RAET1E: variants seen among roughly 807,000 people sequenced by gnomAD.
RAET1E encodes retinoic acid early transcript 1E, also known as NKG2D ligand 4.
RAET1E carries 27 observed loss-of-function variants against 21.1 expected under a neutral mutation model. The ratio of observed to expected loss-of-function variants is 1.28; its 90% CI spans 0.94 to 1.76. RAET1E has a LOEUF of 1.76. Among genes scored for constraint, RAET1E ranks in the 40% most tolerant of loss-of-function variants. RAET1E has a pLI of 0.00. For missense variants in RAET1E, 310 were observed against 311.3 expected (o/e 1.00, Z 0.03); for synonymous variants, 113 against 115.0 (o/e 0.98, Z 0.11).
At chr6:149,894,173 A>G (rs1778022959) in intron 2 of RAET1E, among the ~76,000 whole-genome samples, 1 of 152,140 alleles carries the variant, frequency 6.6e-6, no homozygotes, top group Non-Finnish European at 1.5e-5. Flanking sequence ...TGTCTCTGCC[A>G]GGTTTTGGTA....
chr6:149,889,118 G>A (rs1187054455), intron 5 of RAET1E: 8 of 1,426,792 alleles, frequency 5.6e-6, no homozygotes, highest in Middle Eastern at 2.6e-4. Flanking sequence ...CATTGTGACT[G>A]GATCATTGGT....
chr6:149,884,397 C>T lies in RAET1E; in HGVS notation c.*4101G>A, dbSNP rs1219311955. On this transcript the variant is annotated 3_prime_UTR_variant, in exon 6 of 6. Transcript: ENST00000357183. ...CCGCTCATTGCAGGCTCCGCCTCCA[C>T]TTGACTCAGGGAACACACAGCAGTG... 7.2e-6 allele frequency: 9 copies of T among 1,241,774 alleles called. No homozygotes were observed. The highest frequency in any genetic ancestry group is 9.1e-6 in the Non-Finnish European group (8 of 880,080). 76.9% of individuals were successfully genotyped at this position (1,241,774 alleles called of 1,614,324 possible). A position where few individuals can be genotyped will look rare whatever the true frequency, so the allele number is the denominator to read the frequency against.
Position 149,888,501 on chromosome 6 carries a change from A to G in RAET1E, c.789T>C (p.Ser263=). 6.2e-7 allele frequency: 1 copy of G among 1,613,090 alleles called. No individual in the cohort carries two copies. Among genetic ancestry groups the G allele is most frequent in the Non-Finnish European group, 8.5e-7 (1 of 1,179,768 alleles). The change falls in exon 6 of 6, where the codon TCT becomes TCC. Residue 263 remains serine (S), a synonymous_variant. Coordinates refer to ENST00000357183, the MANE Select transcript of RAET1E (RefSeq NM_001394057.1). ...CCTCTCTTGAGTCCTTACCAGACTAAGACGTCCTCAAGGGCCAGAGACCAG... is the reference window on the plus strand; with the variant it reads ...CCTCTCTTGAGTCCTTACCAGACTAGGACGTCCTCAAGGGCCAGAGACCAG... ...WQAGLWPLRT[S]
Position 149,888,185 on chromosome 6 carries a change from A to G in RAET1E, c.*313T>C. 2 of 598,368 alleles carry G rather than the reference A, an allele frequency of 3.3e-6. No homozygotes were observed. The highest frequency in any genetic ancestry group is 6.4e-6 in the Non-Finnish European group (2 of 314,434). The allele number at this position is 598,368 out of a possible 1,614,324, so 37.1% of individuals were successfully genotyped here. On this transcript the variant is annotated 3_prime_UTR_variant, in exon 6 of 6. Transcript: ENST00000357183. ...TTCTCAGGGTGAACGGGAAAAGGGG[A>G]TGGGACCTGCTGAGCTAAATCACGG...
At chr6:149,894,801 C>T (rs892928405) in intron 2 of RAET1E, among the ~76,000 whole-genome samples, 2 of 152,038 alleles carry the variant, frequency 1.3e-5, no homozygotes, top group Non-Finnish European at 2.9e-5. Context: ...ATTTTCTGTC[C>T]AGTTTTGTTC....
rs773327505 is a variant in RAET1E at position 149,888,584 on chromosome 6, A to G, written c.706T>C (p.Leu236=). The G allele has an allele frequency of 9.3e-6, 15 of 1,613,386 alleles. No individual in the cohort carries two copies. The highest frequency in any genetic ancestry group is 1.2e-5 in the Non-Finnish European group (14 of 1,179,916). ...ATGAGAACAATTCCCATTAAAACTA[A>G]CAGGATGAATGCCCCCAGGATGATC... The part of the protein sequence containing the change: ...RWIILGAFIL[L]VLMGIVLICV... The change falls in exon 6 of 6, where the codon TTA becomes CTA. Residue 236 remains leucine (L), a synonymous_variant. Coordinates refer to ENST00000357183, the MANE Select transcript of RAET1E (RefSeq NM_001394057.1).
At position 149,889,575 on chromosome 6, in the gene RAET1E, C is replaced by G; in HGVS notation, c.395G>C (p.Arg132Pro). ...GAACTGCCAGGATGCACCAGTGCAC[C>G]GTTCTGCTTCACGTTGACAAAACAT... is the stretch of plus-strand genomic sequence containing the variant. ...VEMFCQREAERCTGASWQFAT... is the reference protein window; with the variant it reads ...VEMFCQREAEPCTGASWQFAT... Residue 132 changes from arginine to proline, a missense_variant, in exon 5 of 6, where the codon CGG (arginine) becomes CCG (proline). Coordinates refer to ENST00000357183, the MANE Select transcript of RAET1E (RefSeq NM_001394057.1). The G allele has an allele frequency of 6.2e-7, 1 of 1,614,156 alleles. No individual in the cohort carries two copies. The highest frequency in any genetic ancestry group is 8.5e-7 in the Non-Finnish European group (1 of 1,180,040).
intron 5 of RAET1E, 124 bp downstream of exon 5, chr6:149,889,224 C>T: frequency 6.8e-7 from 1 of 1,473,188 alleles, no homozygotes; most frequent in African/African-American, 1.4e-5. Flanking sequence ...CACTGACTCT[C>T]CAGACAGGAA....
chr6:149,890,262 C>A, intron 3 of RAET1E, 117 bp from the exon 4 acceptor site: 1 of 1,062,096 alleles, frequency 9.4e-7, no homozygotes, highest in African/African-American at 1.6e-5. Context: ...GGGGCAGCTC[C>A]ATCCCAGACT....
rs1177420817 is a variant in RAET1E, at chr6:149,887,569, G to T, written c.*929C>A. Among the ~76,000 whole-genome samples, 1 of 152,148 alleles carries T rather than the reference G, an allele frequency of 6.6e-6. No individual in the cohort carries two copies. The highest frequency in any genetic ancestry group is 1.9e-4 in the East Asian group (1 of 5,200). On this transcript the variant is annotated 3_prime_UTR_variant, in exon 6 of 6. Coordinates refer to ENST00000357183, the MANE Select transcript of RAET1E (RefSeq NM_001394057.1). ...AAAACAGACACATATCTGAGTCATG[G>T]TATTCGTTTAAGCAATGAAAAGGGT...
At chr6:149,891,484 T>TTGTGTGTG (rs58899076) in intron 2 of RAET1E, among the ~76,000 whole-genome samples, 4,672 of 149,894 alleles carry the variant, frequency 0.031, 103 homozygotes, top group Admixed American at 0.068. Context: ...CAGATGGGTT[T>TTGTGTGTG]TGTGTGTGTG....
chr6:149,896,687 T>G (rs1344241285), intron 1 of RAET1E, among the ~76,000 whole-genome samples: 1 of 152,050 alleles, frequency 6.6e-6, no homozygotes, highest in Non-Finnish European at 1.5e-5. Context: ...TGTGTGTGTG[T>G]GCGTGCATAT....
At position 149,890,051 on chromosome 6, in the gene RAET1E, A is replaced by T. The variant is rs776395398; in HGVS notation, c.180T>A (p.Leu60=). The part of the protein sequence containing the change: ...CEAQVFLNKN[L]FLQYNSDNNM... Reference sequence around the variant, plus strand: ...TGTTGTCACTGTTGTACTGAAGGAAAAGATTTTTATTCAAGAAGACCTGCG... The same window carrying T: ...TGTTGTCACTGTTGTACTGAAGGAATAGATTTTTATTCAAGAAGACCTGCG... Residue 60 remains leucine, a synonymous_variant, in exon 4 of 6, where the codon CTT becomes CTA. Coordinates refer to ENST00000357183, the MANE Select transcript of RAET1E (RefSeq NM_001394057.1). 1.6e-5 allele frequency: 26 copies of T among 1,614,002 alleles called. No homozygotes were observed. In the East Asian group the frequency reaches 5.8e-4, roughly 36 times the overall value.
rs2115479486 is a variant in RAET1E at position 149,884,951 on chromosome 6, G to A, written c.*3547C>T. 6.6e-6 allele frequency among the ~76,000 whole-genome samples: 1 copy of A among 152,230 alleles called. No individual in the cohort carries two copies. Among genetic ancestry groups the A allele is most frequent in the Admixed American group, 6.5e-5 (1 of 15,300 alleles). On this transcript the variant is annotated 3_prime_UTR_variant, in exon 6 of 6. Coordinates refer to ENST00000357183, the MANE Select transcript of RAET1E (RefSeq NM_001394057.1). ...CTTGCTGTCCTCACAGAGTGTCTAGGGTTCACTTTCAGCCTTCCCTTCTGC... is the reference window on the plus strand; with the variant it reads ...CTTGCTGTCCTCACAGAGTGTCTAGAGTTCACTTTCAGCCTTCCCTTCTGC...
At position 149,890,013 on chromosome 6, in the gene RAET1E, G is replaced by A; in HGVS notation, c.218C>T (p.Pro73Leu). Residue 73 changes from proline to leucine, a missense_variant, in exon 4 of 6, where the codon CCT becomes CTT. Transcript: ENST00000357183. ...TACCTTCTTCCCCAGGAGGCCCAGA[G>A]GTTTGACCATGTTGTTGTCACTGTT... The part of the protein sequence containing the change: ...QYNSDNNMVK[P>L]LGLLGKKVYA... The A allele has an allele frequency of 6.2e-7, 1 of 1,614,152 alleles. No individual in the cohort carries two copies. The highest frequency in any genetic ancestry group is 8.5e-7 in the Non-Finnish European group (1 of 1,180,036).
Position 149,884,450 on chromosome 6 carries a change from C to T in RAET1E, c.*4048G>A. 2 of 1,533,262 alleles carry T rather than the reference C, an allele frequency of 1.3e-6. No homozygotes were observed. The highest frequency in any genetic ancestry group is 1.7e-6 in the Non-Finnish European group (2 of 1,144,432). The allele number at this position is 1,533,262 out of a possible 1,614,324, so 95.0% of individuals were successfully genotyped here. A position where few individuals can be genotyped will look rare whatever the true frequency, so the allele number is the denominator to read the frequency against. On this transcript the variant is annotated 3_prime_UTR_variant, in exon 6 of 6. Coordinates refer to ENST00000357183, the MANE Select transcript of RAET1E (RefSeq NM_001394057.1). The stretch of plus-strand genomic sequence containing the variant: ...AGCCAAGGCTGTCAGCGATCGAGGA[C>T]CACAGGTGAACAACTCTGCGCCGCC...
intron 1 of RAET1E, among the ~76,000 whole-genome samples, 158 bp downstream of exon 1, chr6:149,897,863 C>T (rs1229788685): frequency 1.3e-5 from 2 of 151,950 alleles, no homozygotes; most frequent in Non-Finnish European, 2.9e-5. Flanking sequence ...GCGTCCCCGC[C>T]GCCACACCCC....
chr6:149,893,715 C>G (rs1452377234), intron 2 of RAET1E, among the ~76,000 whole-genome samples: 1 of 152,164 alleles, frequency 6.6e-6, no homozygotes, highest in East Asian at 1.9e-4. Context: ...CCTGATTGCC[C>G]TGGCCAGAAG....
In RAET1E at chr6:149,888,561, G is replaced by C. The variant is rs1562463581; in HGVS notation, c.729C>G (p.Leu243=). The part of the protein sequence containing the change: ...FILLVLMGIV[L]ICVWWQNGEW... ...CACCATTTTGCCACCAGACACAGAT[G>C]AGAACAATTCCCATTAAAACTAACA... Residue 243 remains leucine, a synonymous_variant, in exon 6 of 6, where the codon CTC becomes CTG. Coordinates refer to ENST00000357183, the MANE Select transcript of RAET1E (RefSeq NM_001394057.1). The C allele has an allele frequency of 1.2e-6, 2 of 1,612,568 alleles. No individual in the cohort carries two copies. The highest frequency in any genetic ancestry group is 1.7e-6 in the Non-Finnish European group (2 of 1,179,648).
Sources: gnomAD v4.1 joint callset for allele counts (sites outside exome capture counted in the v4.1 genomes callset) on GRCh38, gnomAD v4.1.1 for gene constraint, MANE v1.5 for transcripts, NCBI Gene and HGNC (gene_info 2026-07-23, HGNC 2026-07-21) for gene names.